Variants in SOX5 observed in about 807,000 individuals in gnomAD.
SOX5 encodes the protein SRY-box transcription factor 5, also known as transcription factor SOX-5.
SOX5 carries 9 observed loss-of-function variants against 92.0 expected under a neutral mutation model. That is an observed-to-expected ratio of 0.10 (90% confidence interval 0.06 to 0.17). SOX5 has a LOEUF of 0.17. Ranked by LOEUF, SOX5 falls within the 10% of genes least tolerant of loss-of-function variation. The probability of loss-of-function intolerance (pLI) is 1.00; values close to 1 mark genes in which losing one functional copy is unlikely to be tolerated. For missense variants in SOX5, 642 were observed against 944.5 expected (o/e 0.68, Z 4.20); for synonymous variants, 344 against 336.3 (o/e 1.02, Z -0.25).
intron 8 of SOX5, among the ~76,000 whole-genome samples, chr12:23,634,294 T>C (rs1340149135): frequency 6.6e-6 from 1 of 152,296 alleles, no homozygotes; most frequent in East Asian, 1.9e-4. Context: ...ATACATTTTA[T>C]AGTATATTTG....
chr12:23,905,685 G>A, intron 1 of SOX5, among the ~76,000 whole-genome samples: 1 of 152,096 alleles, frequency 6.6e-6, no homozygotes, highest in East Asian at 1.9e-4. Flanking sequence ...CAGCAAAACT[G>A]AAGGAAAACT....
At chr12:23,573,904 A>C (rs1051136293) in intron 10 of SOX5, among the ~76,000 whole-genome samples, 1 of 152,126 alleles carries the variant, frequency 6.6e-6, no homozygotes, top group Non-Finnish European at 1.5e-5. Flanking sequence ...ATGTTAAACA[A>C]TAAATAATAA....
intron 4 of SOX5, among the ~76,000 whole-genome samples, chr12:23,979,707 G>GTTGTTGTTTTTTTTTTTTTTTT (rs1949333613): frequency 1.3e-5 from 1 of 77,472 alleles, no homozygotes; most frequent in African/African-American, 5.5e-5. Context: ...TGTTTTTTTT[G>GTTGTTGTTTTTTTTTTTTTTTT]TTTTTTTTTT....
chr12:24,378,222 T>C (rs1462626321), intron 1 of SOX5, among the ~76,000 whole-genome samples: 1 of 152,238 alleles, frequency 6.6e-6, no homozygotes, highest in Admixed American at 6.5e-5. Flanking sequence ...CAGGGATACT[T>C]TTCAAAGTTT....
chr12:23,591,040 T>A (rs1011541708), intron 9 of SOX5, among the ~76,000 whole-genome samples: 5 of 151,954 alleles, frequency 3.3e-5, no homozygotes, highest in African/African-American at 7.2e-5. Context: ...AAATATTTTT[T>A]AAAAAATCTT....
At chr12:23,800,475 T>A (rs2095640470) in intron 3 of SOX5, among the ~76,000 whole-genome samples, 1 of 151,970 alleles carries the variant, frequency 6.6e-6, no homozygotes, top group Non-Finnish European at 1.5e-5. Flanking sequence ...AAAACGTACA[T>A]GATGATGACT....
chr12:24,506,784 C>CTTTTTGTTTTTTT (rs1948798789), intron 1 of SOX5, among the ~76,000 whole-genome samples: 1 of 81,760 alleles, frequency 1.2e-5, no homozygotes, highest in Non-Finnish European at 2.2e-5. Context: ...TCCAAATGGT[C>CTTTTTGTTTTTTT]TTTTTTTTTT....
intron 3 of SOX5, among the ~76,000 whole-genome samples, chr12:24,253,965 G>C (rs1488107663): frequency 6.6e-6 from 1 of 152,150 alleles, no homozygotes; most frequent in African/African-American, 2.4e-5. Context: ...GATGGTAATA[G>C]TAAGTACCTC....
chr12:24,169,854 T>C (rs1224673649), intron 4 of SOX5, among the ~76,000 whole-genome samples: 2 of 152,184 alleles, frequency 1.3e-5, no homozygotes, highest in Non-Finnish European at 2.9e-5. Flanking sequence ...ATCTAAGCTA[T>C]GTCATGCCAT....
At chr12:23,686,299 C>T (rs2087572200) in intron 6 of SOX5, among the ~76,000 whole-genome samples, 1 of 152,144 alleles carries the variant, frequency 6.6e-6, no homozygotes, top group Non-Finnish European at 1.5e-5. Flanking sequence ...TGGCTGAGGG[C>T]CAATTTTCCA....
chr12:23,795,502 C>T (rs1430838270), intron 3 of SOX5, among the ~76,000 whole-genome samples: 1 of 152,084 alleles, frequency 6.6e-6, no homozygotes, highest in African/African-American at 2.4e-5. Flanking sequence ...TCCTTTAAGT[C>T]TTGCCTTGTG....
intron 4 of SOX5, among the ~76,000 whole-genome samples, chr12:23,959,749 G>T: frequency 6.6e-6 from 1 of 152,048 alleles, no homozygotes; most frequent in East Asian, 1.9e-4. Flanking sequence ...CAAAGAAAAG[G>T]AAATAGAAAG....
chr12:23,668,871 C>T (rs1311648057), intron 6 of SOX5, among the ~76,000 whole-genome samples: 3 of 152,138 alleles, frequency 2.0e-5, no homozygotes, highest in Non-Finnish European at 2.9e-5. Context: ...GAATCCAACA[C>T]AAATCACTTA....
intron 1 of SOX5, among the ~76,000 whole-genome samples, chr12:24,490,259 T>C (rs1946921066): frequency 6.6e-6 from 1 of 152,192 alleles, no homozygotes; most frequent in African/African-American, 2.4e-5. Flanking sequence ...GATTCAGATT[T>C]TAGTTTGAAC....
At chr12:23,932,314 T>C (rs1029585030) in intron 1 of SOX5, among the ~76,000 whole-genome samples, 4 of 151,578 alleles carry the variant, frequency 2.6e-5, no homozygotes, top group Non-Finnish European at 5.9e-5. Context: ...GATGGCAGGG[T>C]GCTATTTATA....
At chr12:24,163,725 A>T (rs1953051139) in intron 4 of SOX5, among the ~76,000 whole-genome samples, 1 of 151,972 alleles carries the variant, frequency 6.6e-6, no homozygotes, top group Non-Finnish European at 1.5e-5. Flanking sequence ...CAGCCAATCA[A>T]ATGATAAAAA....
intron 1 of SOX5, among the ~76,000 whole-genome samples, chr12:24,423,930 A>G (rs1966322393): frequency 1.3e-5 from 2 of 152,192 alleles, no homozygotes; most frequent in Non-Finnish European, 1.5e-5. Flanking sequence ...GAACGAGGAG[A>G]TAAGGGCCCC....
At chr12:23,916,463 A>G (rs1005689442) in intron 1 of SOX5, among the ~76,000 whole-genome samples, 1 of 152,146 alleles carries the variant, frequency 6.6e-6, no homozygotes, top group Non-Finnish European at 1.5e-5. Flanking sequence ...AACACCACCA[A>G]TTACTTGCCA....
At chr12:23,577,191 A>ATTTTTTT (rs1175798388) in intron 9 of SOX5, among the ~76,000 whole-genome samples, 1 of 61,404 alleles carries the variant, frequency 1.6e-5, no homozygotes, top group South Asian at 6.1e-4. Context: ...ATATATATAT[A>ATTTTTTT]TTTTTTTTTT....
Sources: allele counts gnomAD v4.1 joint callset (sites outside exome capture counted in the v4.1 genomes callset), GRCh38; gene constraint gnomAD v4.1.1; transcripts MANE v1.5; gene names NCBI Gene and HGNC (gene_info 2026-07-23, HGNC 2026-07-21).